The following ALG12 variants were observed in gnomAD, a reference collection of about 807,000 sequenced individuals.
ALG12 encodes dol-P-Man:Man(7)GlcNAc(2)-PP-Dol alpha-1,6-mannosyltransferase.
ALG12 carries 36 observed loss-of-function variants against 46.0 expected under a neutral mutation model. That is an observed-to-expected ratio of 0.78 (90% CI 0.60 to 1.03). The LOEUF is 1.03. ALG12 is among the 50% of genes least tolerant of loss of function. ALG12 has a pLI of 0.00. For synonymous variants in ALG12, 326 were observed against 291.6 expected (o/e 1.12, Z -1.20); for missense variants, 599 against 633.5 (o/e 0.95, Z 0.58).
intron 1 of ALG12, among the ~76,000 whole-genome samples, chr22:49,914,455 G>A (rs2060598968): frequency 6.6e-6 from 1 of 152,220 alleles, no homozygotes; most frequent in African/African-American, 2.4e-5. Flanking sequence ...TTTCCCAAAG[G>A]TGGCACCACA....
the ALG12 span, chr22:49,883,796 A>G: frequency 6.2e-7 from 1 of 1,613,382 alleles, no homozygotes; most frequent in South Asian, 1.1e-5. Context: ...TTTAAAAGCG[A>G]GCAGGAGGAC....
intron 9 of ALG12, 54 bp downstream of exon 9, chr22:49,904,125 C>T (rs2060529772): frequency 6.2e-7 from 1 of 1,613,992 alleles, no homozygotes; most frequent in Admixed American, 1.7e-5. Context: ...GTCCCCCGCC[C>T]CCAAGGGGCC....
At chr22:49,917,300 T>C (rs1380838406) in intron 1 of ALG12, among the ~76,000 whole-genome samples, 1 of 152,178 alleles carries the variant, frequency 6.6e-6, no homozygotes, top group East Asian at 1.9e-4. Context: ...TACAGAACAA[T>C]GGCATCTCAG....
the ALG12 span, chr22:49,884,330 CAGA>C: frequency 3.1e-6 from 5 of 1,613,794 alleles, no homozygotes; most frequent in Non-Finnish European, 4.2e-6. Context: ...GATCGAATAA[CAGA>C]GGAGTCTGTG....
chr22:49,876,433 C>T, the ALG12 span, among the ~76,000 whole-genome samples: 2 of 152,116 alleles, frequency 1.3e-5, no homozygotes, highest in African/African-American at 4.8e-5. Flanking sequence ...AGCTTTGCTT[C>T]GTGGTTTTGA....
At chr22:49,891,946 A>G in the ALG12 span, among the ~76,000 whole-genome samples, 3 of 152,122 alleles carry the variant, frequency 2.0e-5, no homozygotes, top group Non-Finnish European at 2.9e-5. Flanking sequence ...TTTCCCAAGA[A>G]CTATCAAGGC....
At chr22:49,883,662 C>A in the ALG12 span, 3 of 1,570,880 alleles carry the variant, frequency 1.9e-6, no homozygotes, top group South Asian at 2.4e-5. Context: ...TATGGTCAGT[C>A]ATGGAGAATA....
Position 49,904,183 on chromosome 22 carries a change from A to G in ALG12, c.1234T>C (p.Trp412Arg), listed in dbSNP as rs1230417541. Residue 412 changes from tryptophan to arginine, a missense_variant, in exon 9 of 10, where the codon TGG (tryptophan) becomes CGG (arginine). Transcript: ENST00000330817. ...VSRFLQVNSA[W>R]RYDKREDVQP... ...CGTGCTGTGTGTGGATCCTACCTCC[A>G]GGCGCTGTTGACTTGGAGAAACCGA... 6.2e-7 allele frequency: 1 copy of G among 1,613,966 alleles called. No individual in the cohort carries two copies. Among genetic ancestry groups the G allele is most frequent in the Admixed American group, 1.7e-5 (1 of 59,992 alleles).
the ALG12 span, among the ~76,000 whole-genome samples, chr22:49,861,002 C>CTCT: frequency 1.5e-4 from 2 of 13,480 alleles, no homozygotes; most frequent in African/African-American, 1.8e-4. Flanking sequence ...TGGTCTCGAT[C>CTCT]TGAGCTCAGG....
At chr22:49,910,363 C>G in intron 4 of ALG12, 71 bp downstream of exon 4, 1 of 1,561,884 alleles carries the variant, frequency 6.4e-7, no homozygotes. Context: ...CTGCCATCAG[C>G]TGCACAGCCC....
the ALG12 span, chr22:49,886,644 T>A: frequency 6.3e-7 from 1 of 1,597,654 alleles, no homozygotes; most frequent in Non-Finnish European, 8.5e-7. The surrounding 1 kb of genome is among the most constrained non-coding windows in gnomAD (Gnocchi z 7.7). Flanking sequence ...GCCGCCTGTC[T>A]GCCACCCTCC....
At chr22:49,908,914 T>C (rs1396302370) in intron 6 of ALG12, among the ~76,000 whole-genome samples, 1 of 148,324 alleles carries the variant, frequency 6.7e-6, no homozygotes, top group Non-Finnish European at 1.5e-5. Context: ...ATCATACCAC[T>C]GTACTCCAGC....
the ALG12 span, chr22:49,883,937 G>A: frequency 6.2e-7 from 1 of 1,613,368 alleles, no homozygotes; most frequent in Non-Finnish European, 8.5e-7. Flanking sequence ...CAGTACAGCA[G>A]CACCCTATAC....
intron 1 of ALG12, among the ~76,000 whole-genome samples, chr22:49,917,468 C>T (rs12166055): frequency 0.019 from 2,837 of 152,198 alleles, 89 homozygotes; most frequent in African/African-American, 0.064. Context: ...GTCAGGACTT[C>T]GAGACCAGCC....
At chr22:49,875,116 T>G in the ALG12 span, among the ~76,000 whole-genome samples, 1 of 152,230 alleles carries the variant, frequency 6.6e-6, no homozygotes, top group African/African-American at 2.4e-5. Flanking sequence ...TCATAGGGTA[T>G]CAAGTTGTTT....
the ALG12 span, among the ~76,000 whole-genome samples, chr22:49,894,803 C>T: frequency 2.6e-5 from 4 of 152,336 alleles, no homozygotes; most frequent in Non-Finnish European, 2.9e-5. Context: ...ACCATCCTGC[C>T]GGACGGCCGT....
At chr22:49,896,513 T>G (rs2060484148), downstream of ALG12, among the ~76,000 whole-genome samples, 1 of 152,252 alleles carries the variant, frequency 6.6e-6, no homozygotes, top group Admixed American at 6.5e-5. Context: ...CTCTCTGGCG[T>G]GGTCCAGCCC....
rs1415771303 is a variant in ALG12 at position 49,903,642 on chromosome 22, C to T, written c.*196G>A. 6.8e-6 allele frequency: 5 copies of T among 738,058 alleles called. No individual in the cohort carries two copies. Among genetic ancestry groups the T allele is most frequent in the Non-Finnish European group, 4.8e-6 (2 of 418,904 alleles). The allele number at this position is 738,058 out of a possible 1,614,324, so 45.7% of individuals were successfully genotyped here. ...GGGTGCCAACAAGACCTGGGCCCCT[C>T]GTTCTTTGGTGCTGAGAGCCCCAGC... On this transcript the variant is annotated 3_prime_UTR_variant, in exon 10 of 10. Transcript: ENST00000330817.
At chr22:49,896,045 TC>T (rs1196814952), downstream of ALG12, among the ~76,000 whole-genome samples, 1 of 152,214 alleles carries the variant, frequency 6.6e-6, no homozygotes, top group Non-Finnish European at 1.5e-5. Flanking sequence ...CACCATCTCT[TC>T]CCAGTGAGCT....
Sources: gnomAD v4.1 joint callset for allele counts (sites outside exome capture counted in the v4.1 genomes callset) on GRCh38, gnomAD v4.1.1 for gene constraint, Gnocchi (gnomAD v3.1) non-coding constraint, MANE v1.5 for transcripts, NCBI Gene and HGNC (gene_info 2026-07-23, HGNC 2026-07-21) for gene names.